Variants in CGNL1 observed in about 807,000 individuals in gnomAD.
CGNL1 encodes the protein cingulin-like protein 1.
Under a neutral mutation model 141.2 loss-of-function variants are expected in CGNL1, and 132 were observed. That is an observed-to-expected ratio of 0.93 (90% CI 0.81 to 1.08). The LOEUF (loss-of-function observed/expected upper bound fraction) is 1.08, where lower values mean the gene tolerates loss of function less well. CGNL1 is among the 50% of genes least tolerant of loss of function. The pLI, the probability that CGNL1 is intolerant of heterozygous loss-of-function variation, is 0.00. For missense variants in CGNL1, 1,870 were observed against 1,588.6 expected (o/e 1.18, Z -3.01); for synonymous variants, 690 against 622.1 (o/e 1.11, Z -1.63).
chr15:57,453,048 T>A (rs1323453398), intron 6 of CGNL1, among the ~76,000 whole-genome samples: 2 of 152,176 alleles, frequency 1.3e-5, no homozygotes, highest in Non-Finnish European at 2.9e-5. Flanking sequence ...ATAGTAAAAG[T>A]TTTACAAAAT....
chr15:57,514,630 C>G (rs969134116), intron 8 of CGNL1, among the ~76,000 whole-genome samples: 1 of 152,034 alleles, frequency 6.6e-6, no homozygotes, highest in South Asian at 2.1e-4. Context: ...TTTATCTGTT[C>G]GTTCTTTTGT....
intron 7 of CGNL1, among the ~76,000 whole-genome samples, chr15:57,460,698 G>C (rs1013967358): frequency 6.6e-6 from 1 of 152,118 alleles, no homozygotes; most frequent in African/African-American, 2.4e-5. Context: ...TATCACAAGA[G>C]CAACATGGGG....
chr15:57,403,951 T>A (rs188689529), intron 1 of CGNL1, among the ~76,000 whole-genome samples: 1 of 152,298 alleles, frequency 6.6e-6, no homozygotes, highest in East Asian at 1.9e-4. Flanking sequence ...GAAAGGGGCC[T>A]CCCATAGCAC....
chr15:57,535,793 G>A (rs2032227155), intron 14 of CGNL1, among the ~76,000 whole-genome samples: 1 of 152,162 alleles, frequency 6.6e-6, no homozygotes. Flanking sequence ...TGGGGGTGAG[G>A]ACTGGAGAAG....
chr15:57,490,987 A>C (rs1048610557), intron 8 of CGNL1, among the ~76,000 whole-genome samples: 18 of 152,166 alleles, frequency 1.2e-4, no homozygotes, highest in Non-Finnish European at 1.5e-5. Flanking sequence ...CATCAAAACC[A>C]GGGAGTCTGA....
intron 1 of CGNL1, among the ~76,000 whole-genome samples, chr15:57,382,744 C>A (rs572737925): frequency 6.6e-6 from 1 of 152,116 alleles, no homozygotes; most frequent in African/African-American, 2.4e-5. Flanking sequence ...GGAAGAGGAA[C>A]GACTGTGACC....
At chr15:57,520,444 T>A (rs1375529160) in intron 10 of CGNL1, among the ~76,000 whole-genome samples, 1 of 152,218 alleles carries the variant, frequency 6.6e-6, no homozygotes, top group Non-Finnish European at 1.5e-5. Flanking sequence ...TTTCTTTACA[T>A]AGTAGCTGAA....
chr15:57,480,258 C>T (rs539010345), intron 8 of CGNL1, among the ~76,000 whole-genome samples: 5 of 151,578 alleles, frequency 3.3e-5, no homozygotes, highest in Admixed American at 3.3e-4. Context: ...GAGCTCACGC[C>T]TGTAATCTTA....
Position 57,547,443 on chromosome 15 carries a change from G to A in CGNL1, c.3862G>A (p.Val1288Met), listed in dbSNP as rs556904147. The A allele has an allele frequency of 4.3e-6, 7 of 1,614,092 alleles. No individual in the cohort carries two copies. Among genetic ancestry groups the A allele is most frequent in the Non-Finnish European group, 5.9e-6 (7 of 1,180,038 alleles). The change falls in exon 19 of 19, where the codon GTG becomes ATG. Residue 1288 changes from valine to methionine, a missense_variant. Transcript: ENST00000281282. ...TGGGGGAAGCCTCTATGAGGCGCCTGTGAGCTACACATTCTCCAAGGACAG... is the reference window on the plus strand; with the variant it reads ...TGGGGGAAGCCTCTATGAGGCGCCTATGAGCTACACATTCTCCAAGGACAG... ...TDGGSLYEAPVSYTFSKDSTV... is the reference protein window; with the variant it reads ...TDGGSLYEAPMSYTFSKDSTV...
chr15:57,492,249 G>A (rs191558014), intron 8 of CGNL1, among the ~76,000 whole-genome samples: 23 of 152,288 alleles, frequency 1.5e-4, no homozygotes, highest in African/African-American at 4.8e-4. Flanking sequence ...GGAGGTTAGA[G>A]GATCTGATCA....
chr15:57,409,414 AC>A (rs1451022337), intron 1 of CGNL1, among the ~76,000 whole-genome samples: 1 of 152,226 alleles, frequency 6.6e-6, no homozygotes, highest in Non-Finnish European at 1.5e-5. Context: ...AGGCTGAAGT[AC>A]AAATTTGAAA....
At chr15:57,443,934 T>A (rs1483693648) in intron 4 of CGNL1, among the ~76,000 whole-genome samples, 3 of 152,206 alleles carry the variant, frequency 2.0e-5, no homozygotes, top group African/African-American at 7.2e-5. Context: ...TCAACAAATA[T>A]CCTTTTTATA....
chr15:57,528,623 A>G, intron 12 of CGNL1, 31 bp from the exon 13 acceptor site: 1 of 1,612,094 alleles, frequency 6.2e-7, no homozygotes. Context: ...GATGCACCCC[A>G]GAAAACCATC....
chr15:57,484,867 G>C (rs903576773), intron 8 of CGNL1, among the ~76,000 whole-genome samples: 1 of 151,788 alleles, frequency 6.6e-6, no homozygotes, highest in East Asian at 1.9e-4. Context: ...CTTCATCCAT[G>C]TCCCTGCAAA....
At chr15:57,546,684 C>T (rs560840916) in intron 18 of CGNL1, among the ~76,000 whole-genome samples, 4 of 152,238 alleles carry the variant, frequency 2.6e-5, no homozygotes, top group East Asian at 1.9e-4. Flanking sequence ...AGCTGTCTGC[C>T]GTGGTCCTAA....
chr15:57,524,781 T>C, intron 12 of CGNL1, 30 bp downstream of exon 12: 2 of 1,607,274 alleles, frequency 1.2e-6, no homozygotes, highest in Non-Finnish European at 1.7e-6. Flanking sequence ...GTTCTTCCTT[T>C]ATCCCTTATT....
intron 10 of CGNL1, among the ~76,000 whole-genome samples, chr15:57,520,420 G>A (rs372486182): frequency 5.3e-5 from 8 of 152,154 alleles, no homozygotes; most frequent in South Asian, 4.1e-4. Context: ...GCATCTTCAC[G>A]TATGATAAAT....
intron 1 of CGNL1, among the ~76,000 whole-genome samples, chr15:57,411,615 T>C (rs576906669): frequency 1.3e-5 from 2 of 151,960 alleles, no homozygotes; most frequent in Non-Finnish European, 2.9e-5. Flanking sequence ...GGCTAATTTT[T>C]TGTATTTTTG....
intron 1 of CGNL1, among the ~76,000 whole-genome samples, chr15:57,398,880 G>C (rs1341416186): frequency 6.6e-6 from 1 of 152,096 alleles, no homozygotes; most frequent in Non-Finnish European, 1.5e-5. Context: ...CCATGTTTTT[G>C]TTGTTTAACC....
Sources: allele counts gnomAD v4.1 joint callset (sites outside exome capture counted in the v4.1 genomes callset), GRCh38; gene constraint gnomAD v4.1.1; transcripts MANE v1.5; gene names NCBI Gene and HGNC (gene_info 2026-07-23, HGNC 2026-07-21).